Variants in MALAT1 observed in about 807,000 individuals in gnomAD.
MALAT1 encodes the protein metastasis associated lung adenocarcinoma transcript 1, also known as hepcarcin.
exon 3 of MALAT1, chr11:65,500,645 A>G: frequency 1.9e-6 from 1 of 518,944 alleles, no homozygotes; most frequent in Non-Finnish European, 3.8e-6. Flanking sequence ...CAATTTGGTG[A>G]TGAAGGTAGC....
intron 3 of MALAT1, chr11:65,505,546 A>G (rs775058580): frequency 1.9e-5 from 10 of 515,596 alleles, no homozygotes; most frequent in African/African-American, 1.3e-4. Flanking sequence ...CCCACAAGCA[A>G]CTTCTCTGCC....
At chr11:65,497,987 A>G (rs757491213) in intron 1 of MALAT1, 12 of 518,944 alleles carry the variant, frequency 2.3e-5, no homozygotes, top group Admixed American at 2.1e-4. Flanking sequence ...TGGTATTTAG[A>G]TAAAACCACT....
intron 3 of MALAT1, chr11:65,505,134 C>T (rs752860054): frequency 3.1e-5 from 16 of 518,798 alleles, no homozygotes; most frequent in East Asian, 1.1e-4. Flanking sequence ...ACTGTGTTGG[C>T]GTGGGGGTGG....
At chr11:65,506,108 A>G in intron 3 of MALAT1, 1 of 406,820 alleles carries the variant, frequency 2.5e-6, no homozygotes, top group Non-Finnish European at 4.7e-6. Context: ...AAAAAAAAAA[A>G]AAGCAAAAGA....
At chr11:65,500,525 A>G (rs772638503) in exon 3 of MALAT1, 26 of 516,622 alleles carry the variant, frequency 5.0e-5, no homozygotes, top group African/African-American at 1.2e-4. Flanking sequence ...TGAAGATAGG[A>G]AAAGAGTCCA....
At chr11:65,498,344 C>T (rs760879251) in intron 1 of MALAT1, 15 of 517,602 alleles carry the variant, frequency 2.9e-5, no homozygotes, top group African/African-American at 1.3e-4. Flanking sequence ...GGGGGGCTGG[C>T]GGCAACTGGG....
At chr11:65,501,529 G>T (rs372352616) in exon 3 of MALAT1, 1 of 518,710 alleles carries the variant, frequency 1.9e-6, no homozygotes, top group African/African-American at 1.9e-5. Context: ...AGCATTTTGG[G>T]ATGGTCTTAA....
At chr11:65,498,554 G>C (rs571981453) in intron 1 of MALAT1, 35 of 518,692 alleles carry the variant, frequency 6.7e-5, no homozygotes, top group Admixed American at 6.0e-4. Context: ...CAAGTCGCAG[G>C]ACTGCAAGCA....
exon 3 of MALAT1, chr11:65,499,399 G>T: frequency 2.1e-6 from 1 of 486,632 alleles, no homozygotes; most frequent in Non-Finnish European, 4.1e-6. Flanking sequence ...CAATAGAAGG[G>T]CAATGCTTTT....
intron 1 of MALAT1, chr11:65,497,938 C>T (rs750034249): frequency 1.3e-5 from 7 of 518,774 alleles, no homozygotes; most frequent in East Asian, 5.4e-5. Context: ...AGTTGTGCTG[C>T]TATCTTAGCT....
chr11:65,503,776 C>T (rs776438954), exon 3 of MALAT1: 5 of 514,436 alleles, frequency 9.7e-6, no homozygotes, highest in South Asian at 2.8e-5. Context: ...AGGATTTGAG[C>T]GGAAGAACGA....
chr11:65,505,529 A>G (rs746788387), intron 3 of MALAT1: 1 of 515,832 alleles, frequency 1.9e-6, no homozygotes, highest in East Asian at 5.5e-5. Context: ...GTTAAAAGCA[A>G]GGTCTCCCCA....
At chr11:65,503,403 G>T (rs745367365) in exon 3 of MALAT1, 1 of 516,192 alleles carries the variant, frequency 1.9e-6, no homozygotes, top group East Asian at 5.4e-5. Context: ...TCACTCAGAG[G>T]CATTTGCATC....
exon 3 of MALAT1, chr11:65,501,460 A>G (rs1854544086): frequency 9.8e-6 from 5 of 511,400 alleles, no homozygotes; most frequent in Non-Finnish European, 1.9e-5. Context: ...TTTTCCCCCC[A>G]CCCCCTTAAT....
intron 3 of MALAT1, chr11:65,504,020 T>C (rs922686857): frequency 3.9e-6 from 2 of 518,038 alleles, no homozygotes; most frequent in South Asian, 1.4e-5. Context: ...AAAGTTTGCA[T>C]GTTAACTTTA....
chr11:65,503,964 G>A (rs766589392), intron 3 of MALAT1: 1 of 515,440 alleles, frequency 1.9e-6, no homozygotes, highest in East Asian at 5.5e-5. Flanking sequence ...GAAAGTCAGG[G>A]GTCTATAAAT....
In MALAT1 at chr11:65,499,244, T is replaced by A. The variant is rs752120020; in HGVS notation, n.507T>A. 1.8e-5 allele frequency: 9 copies of A among 505,886 alleles called. 1 individual carries two copies. The highest frequency in any genetic ancestry group is 1.0e-4 in the South Asian group (7 of 68,258). The allele number at this position is 505,886 out of a possible 1,614,324, so 31.3% of individuals were successfully genotyped here. On this transcript the variant is annotated non_coding_transcript_exon_variant, in exon 3 of 4. Coordinates refer to ENST00000619449, the Ensembl canonical transcript of MALAT1. ...TAGCTTAAGATTTTAAGAGAAAATATGAAGACTTAGAAGAGTAGCATGAGG... is the reference window on the plus strand; with the variant it reads ...TAGCTTAAGATTTTAAGAGAAAATAAGAAGACTTAGAAGAGTAGCATGAGG...
At chr11:65,501,818 G>A (rs747606567) in exon 3 of MALAT1, 1 of 518,000 alleles carries the variant, frequency 1.9e-6, no homozygotes, top group Non-Finnish European at 3.9e-6. Context: ...CCAATAATGT[G>A]ACTTCTTAAA....
chr11:65,499,077 C>T (rs758449616), exon 3 of MALAT1: 13 of 518,384 alleles, frequency 2.5e-5, no homozygotes, highest in East Asian at 1.6e-4. Context: ...GGGGCTTCTG[C>T]TGAGGGGGCA....
Sources: allele counts gnomAD v4.1 joint callset, GRCh38; gene constraint gnomAD v4.1.1; transcripts MANE v1.5; gene names NCBI Gene and HGNC (gene_info 2026-07-23, HGNC 2026-07-21).